IFRD1: variants seen among roughly 807,000 people sequenced by gnomAD.
The protein encoded by IFRD1 is interferon-related developmental regulator 1.
A neutral mutation model predicts 52.9 loss-of-function variants in IFRD1; 35 were observed. The observed-to-expected ratio is 0.66, with a 90% CI of 0.51 to 0.88. IFRD1 has a LOEUF of 0.88. Among genes scored for constraint, IFRD1 ranks in the 40% least tolerant of loss-of-function variants. The pLI, the probability that IFRD1 is intolerant of heterozygous loss-of-function variation, is 0.00. For missense variants in IFRD1, 517 were observed against 550.8 expected (o/e 0.94, Z 0.61); for synonymous variants, 184 against 188.4 (o/e 0.98, Z 0.19).
intron 1 of IFRD1, among the ~76,000 whole-genome samples, chr7:112,455,068 T>G (rs979224181): frequency 6.6e-6 from 1 of 151,768 alleles, no homozygotes; most frequent in Non-Finnish European, 1.5e-5. Context: ...TTCACCATGT[T>G]GGCCAGGCAG....
rs200425886 is a variant in IFRD1 at position 112,472,836 on chromosome 7, C to T, written c.1241C>T (p.Thr414Met). 288 of 1,612,756 alleles carry T rather than the reference C, an allele frequency of 1.8e-4. 1 individual carries two copies. In the East Asian group the frequency reaches 2.0e-3, roughly 11 times the overall value. The change falls in exon 11 of 12, where the codon ACG (threonine) becomes ATG (methionine). Residue 414 changes from threonine to methionine, a missense_variant. Thr to Met is a moderately conservative substitution (Grantham distance 81). Coordinates refer to ENST00000403825, the MANE Select transcript of IFRD1 (RefSeq NM_001550.4). ...PVMLDAATLK[T>M]MKISRFERHL... ...ATGCTTGATGCTGCAACGCTTAAAA[C>T]GATGAAGATTTCTCGTTTCGAAAGG...
rs199810813 is a variant in IFRD1, at chr7:112,462,410, G to A, written c.906+32G>A. ...ATCTAACTGGCAGAGGAAAAAGCTT[G>A]TGTCACAAGGCCCATTGTTCCATCA... On this transcript the variant is annotated intron_variant, in intron 8 of 11. Coordinates refer to ENST00000403825, the MANE Select transcript of IFRD1 (RefSeq NM_001550.4). 159 of 1,412,098 alleles carry A rather than the reference G, an allele frequency of 1.1e-4. No homozygotes were observed. The East Asian group carries it at 1.6e-3, about 15-fold the overall frequency. 87.5% of individuals were successfully genotyped at this position (1,412,098 alleles called of 1,614,324 possible). A position where few individuals can be genotyped will look rare whatever the true frequency, so the allele number is the denominator to read the frequency against.
intron 9 of IFRD1, among the ~76,000 whole-genome samples, chr7:112,471,205 T>C (rs1380929710): frequency 6.6e-6 from 1 of 152,184 alleles, no homozygotes; most frequent in Non-Finnish European, 1.5e-5. Context: ...CTCACATGCA[T>C]GTCCTCTTTT....
At position 112,468,121 on chromosome 7, in the gene IFRD1, C is replaced by T. The variant is rs1430432931; in HGVS notation, c.1041+6C>T. On this transcript the variant is annotated splice_donor_region_variant and intron_variant, in intron 9 of 11. Transcript: ENST00000403825. Reference sequence around the variant, plus strand: ...ATGTCCTGAGGGCAGTGGAGGTAGGCTTCTTAAATGCTGTAATAGCTTCTC... The same window carrying T: ...ATGTCCTGAGGGCAGTGGAGGTAGGTTTCTTAAATGCTGTAATAGCTTCTC... The T allele has an allele frequency of 6.2e-7, 1 of 1,613,536 alleles. No homozygotes were observed.
At position 112,467,768 on chromosome 7, in the gene IFRD1, G is replaced by T. The variant is rs565517522; in HGVS notation, c.907-213G>T. On this transcript the variant is annotated intron_variant, in intron 8 of 11. Transcript: ENST00000403825. ...TTGGAAGGGAAATGTTAATTGTTTT[G>T]CTGTAGTACATCATCTTGTAGTCAG... The T allele has an allele frequency of 4.0e-4, 217 of 544,356 alleles. 1 individual carries two copies. Among genetic ancestry groups the T allele is most frequent in the South Asian group, 1.3e-3 (66 of 49,494 alleles). The allele number at this position is 544,356 out of a possible 1,614,324, so 33.7% of individuals were successfully genotyped here.
chr7:112,426,101 T>G (rs900630628), intron 1 of IFRD1, among the ~76,000 whole-genome samples: 3 of 152,198 alleles, frequency 2.0e-5, no homozygotes, highest in African/African-American at 7.2e-5. Context: ...TAATACCAGC[T>G]GCTTGGGAGA....
At chr7:112,468,642 G>A (rs1420042574) in intron 9 of IFRD1, among the ~76,000 whole-genome samples, 2 of 152,112 alleles carry the variant, frequency 1.3e-5, no homozygotes, top group African/African-American at 4.8e-5. Context: ...GGGATTACAG[G>A]TGCCCACCAC....
chr7:112,447,010 T>C (rs1349389669), upstream of IFRD1, among the ~76,000 whole-genome samples: 1 of 152,184 alleles, frequency 6.6e-6, no homozygotes, highest in Non-Finnish European at 1.5e-5. Context: ...CTGGGAGGTA[T>C]TATTTCTGCT....
intron 1 of IFRD1, among the ~76,000 whole-genome samples, chr7:112,430,323 G>C (rs527831888): frequency 2.0e-5 from 3 of 152,286 alleles, no homozygotes; most frequent in African/African-American, 7.2e-5. Flanking sequence ...TCAGGGATGG[G>C]CATGTGTCAG....
chr7:112,426,041 C>T (rs903601802), intron 1 of IFRD1, among the ~76,000 whole-genome samples: 2 of 152,120 alleles, frequency 1.3e-5, no homozygotes, highest in South Asian at 2.1e-4. Flanking sequence ...ATTCCTCTCT[C>T]CTTCCTTTCA....
chr7:112,475,394 C>T, intron 11 of IFRD1, 36 bp from the exon 12 acceptor site: 1 of 1,174,356 alleles, frequency 8.5e-7, no homozygotes, highest in Non-Finnish European at 1.3e-6. Flanking sequence ...TATCTTAAGT[C>T]TTACTGATGC....
chr7:112,462,496 G>A, intron 8 of IFRD1, 118 bp downstream of exon 8: 1 of 745,486 alleles, frequency 1.3e-6, no homozygotes, highest in East Asian at 2.7e-5. Flanking sequence ...AGAACCCAGT[G>A]ATTTATTTCC....
chr7:112,472,688 A>G, intron 10 of IFRD1, 78 bp from the exon 11 acceptor site: 1 of 929,426 alleles, frequency 1.1e-6, no homozygotes. Context: ...AACTTCTGTT[A>G]ATCAGAGTCA....
intron 3 of IFRD1, 94 bp from the exon 4 acceptor site, chr7:112,456,820 C>A: frequency 8.6e-7 from 1 of 1,165,586 alleles, no homozygotes; most frequent in Non-Finnish European, 1.3e-6. Context: ...AAAATCTATA[C>A]ATAGGTAAAG....
In IFRD1 at chr7:112,426,650, T is replaced by A. The variant is rs372986854; in HGVS notation, c.-182+3218T>A. ...TAACCTAAAAAATTAATTCAGGCCATGATGGGAAGTGGGATCCACACATGT... is the reference window on the plus strand; with the variant it reads ...TAACCTAAAAAATTAATTCAGGCCAAGATGGGAAGTGGGATCCACACATGT... On this transcript the variant is annotated intron_variant, in intron 1 of 12. Transcript: ENST00000005558. Among the ~76,000 whole-genome samples, 4 of 152,088 alleles carry A rather than the reference T, an allele frequency of 2.6e-5. No individual in the cohort carries two copies. The East Asian group carries it at 5.8e-4, about 22-fold the overall frequency.
At chr7:112,435,727 CA>C (rs1794670019) in intron 1 of IFRD1, 2 of 150,048 alleles carry the variant, frequency 1.3e-5, no homozygotes, top group Admixed American at 6.7e-5. Flanking sequence ...AGTATAAATT[CA>C]AGTTGATCTT....
chr7:112,460,745 T>C (rs1299069608), intron 5 of IFRD1, among the ~76,000 whole-genome samples: 1 of 146,208 alleles, frequency 6.8e-6, no homozygotes, highest in African/African-American at 2.5e-5. Flanking sequence ...CAGATTAATA[T>C]CACAGATATC....
At chr7:112,423,397 G>T (rs1794362978) in exon 1 of IFRD1, 1 of 152,116 alleles carries the variant, frequency 6.6e-6, no homozygotes, top group Admixed American at 6.5e-5. Flanking sequence ...AACTTTACGT[G>T]GACATCCCAT....
chr7:112,469,021 G>A (rs1795682562), intron 9 of IFRD1, among the ~76,000 whole-genome samples: 1 of 152,132 alleles, frequency 6.6e-6, no homozygotes, highest in South Asian at 2.1e-4. Flanking sequence ...TTTAATAATT[G>A]TTTTTTGGTA....
Sources: gnomAD v4.1 joint callset for allele counts (sites outside exome capture counted in the v4.1 genomes callset) on GRCh38, gnomAD v4.1.1 for gene constraint, MANE v1.5 for transcripts, NCBI Gene and HGNC (gene_info 2026-07-23, HGNC 2026-07-21) for gene names.